The following SAMD5 variants were observed in gnomAD, a reference collection of about 807,000 sequenced individuals.
SAMD5 encodes the protein sterile alpha motif domain containing 5.
SAMD5 carries 13 observed loss-of-function variants against 11.3 expected under a neutral mutation model. That is an observed-to-expected ratio of 1.15 (90% CI 0.75 to 1.83). The LOEUF (loss-of-function observed/expected upper bound fraction) is 1.83. Ranked by LOEUF, SAMD5 falls within the 40% of genes most tolerant of loss-of-function variation. The pLI is 0.00. For synonymous variants in SAMD5, 129 were observed against 111.3 expected (o/e 1.16, Z -1.00); for missense variants, 255 against 239.1 (o/e 1.07, Z -0.44).
At chr6:147,730,014 G>A (rs887644930) in intron 1 of SAMD5, 3 of 415,758 alleles carry the variant, frequency 7.2e-6, no homozygotes, top group Non-Finnish European at 1.4e-5. Flanking sequence ...GAACCCGGGA[G>A]GTGGATGTTG....
At chr6:147,810,652 A>G in the SAMD5 span, among the ~76,000 whole-genome samples, 1 of 152,236 alleles carries the variant, frequency 6.6e-6, no homozygotes, top group African/African-American at 2.4e-5. Context: ...ATAGGCAGCC[A>G]TCAACATGGC....
Position 147,567,535 on chromosome 6 carries a change from G to A in SAMD5, c.*3079G>A. ...GCTTCTTTTCCCTTGTCTGTAAAAT[G>A]GGAAAAATAAATACCTCTATAGCTC... is the stretch of plus-strand genomic sequence containing the variant. On this transcript the variant is annotated 3_prime_UTR_variant, in exon 2 of 2. Transcript: ENST00000367474. 1.1e-6 allele frequency: 1 copy of A among 920,274 alleles called. No homozygotes were observed. The highest frequency in any genetic ancestry group is 1.3e-6 in the Non-Finnish European group (1 of 770,686). The allele number at this position is 920,274 out of a possible 1,614,324, so 57.0% of individuals were successfully genotyped here. A position where few individuals can be genotyped will look rare whatever the true frequency, so the allele number is the denominator to read the frequency against.
intron 1 of SAMD5, among the ~76,000 whole-genome samples, chr6:147,641,716 G>A (rs968444769): frequency 1.3e-5 from 2 of 152,002 alleles, no homozygotes; most frequent in East Asian, 1.9e-4. Flanking sequence ...AACATCCAGC[G>A]GTCTCAAAAC....
chr6:147,570,872 A>G (rs925166305), downstream of SAMD5, among the ~76,000 whole-genome samples: 3 of 152,220 alleles, frequency 2.0e-5, no homozygotes, highest in Admixed American at 6.5e-5. Context: ...TGGCATGCCC[A>G]TGATAACACC....
the SAMD5 span, among the ~76,000 whole-genome samples, chr6:147,792,507 G>A: frequency 6.6e-6 from 1 of 152,192 alleles, no homozygotes; most frequent in Non-Finnish European, 1.5e-5. Flanking sequence ...ATGCATATGT[G>A]TGCATATACA....
intron 1 of SAMD5, among the ~76,000 whole-genome samples, chr6:147,716,472 G>A (rs746365470): frequency 2.0e-5 from 3 of 152,262 alleles, no homozygotes; most frequent in Non-Finnish European, 4.4e-5. Flanking sequence ...CTGCAGCTGT[G>A]CCTGGGAAGG....
chr6:147,642,703 T>G (rs972430443), intron 1 of SAMD5, among the ~76,000 whole-genome samples: 95 of 152,334 alleles, frequency 6.2e-4, no homozygotes, highest in African/African-American at 2.3e-3. Flanking sequence ...AACTGACTTT[T>G]TGTTTTCTTT....
chr6:147,699,855 C>T (rs150760471), intron 1 of SAMD5, among the ~76,000 whole-genome samples: 78 of 152,276 alleles, frequency 5.1e-4, no homozygotes, highest in African/African-American at 1.8e-3. Context: ...GCGAGTCATG[C>T]AAGGACCTGA....
At chr6:147,578,661 G>C (rs1161080173) in intron 1 of SAMD5, among the ~76,000 whole-genome samples, 1 of 152,066 alleles carries the variant, frequency 6.6e-6, no homozygotes, top group African/African-American at 2.4e-5. Context: ...GGTCATGTTA[G>C]GTACTAAAAT....
chr6:147,950,018 G>C, the SAMD5 span, among the ~76,000 whole-genome samples: 1 of 152,160 alleles, frequency 6.6e-6, no homozygotes. Context: ...CAATGTTAGA[G>C]CAGAAGGTAT....
At chr6:147,914,039 G>A in the SAMD5 span, among the ~76,000 whole-genome samples, 2 of 152,148 alleles carry the variant, frequency 1.3e-5, no homozygotes, top group South Asian at 4.1e-4. Flanking sequence ...TTAAGATGAG[G>A]CTAGAGCAAA....
intron 1 of SAMD5, among the ~76,000 whole-genome samples, chr6:147,688,037 G>T (rs553668497): frequency 1.3e-5 from 2 of 151,996 alleles, no homozygotes; most frequent in East Asian, 1.9e-4. Flanking sequence ...CTCCATCTGG[G>T]ACTTTGATTA....
chr6:147,791,481 C>T, the SAMD5 span, among the ~76,000 whole-genome samples: 1 of 151,938 alleles, frequency 6.6e-6, no homozygotes. Context: ...ACGTTTATAC[C>T]TTTCACTTTT....
chr6:147,729,815 C>T (rs751882886), intron 1 of SAMD5: 83 of 456,926 alleles, frequency 1.8e-4, no homozygotes, highest in South Asian at 6.7e-4. Context: ...CTGGGCGTGG[C>T]GACTCATGCC....
chr6:147,580,306 G>T (rs1789278116), intron 1 of SAMD5, among the ~76,000 whole-genome samples: 1 of 152,172 alleles, frequency 6.6e-6, no homozygotes, highest in South Asian at 2.1e-4. Context: ...CCAGGTCAGG[G>T]ACAACCTTTT....
intron 1 of SAMD5, among the ~76,000 whole-genome samples, chr6:147,632,216 A>G (rs956304605): frequency 2.6e-5 from 4 of 152,180 alleles, no homozygotes; most frequent in African/African-American, 9.6e-5. Context: ...GAATGACTCC[A>G]GTTTCCTTTG....
chr6:147,761,984 A>G, the SAMD5 span, among the ~76,000 whole-genome samples: 1 of 152,066 alleles, frequency 6.6e-6, no homozygotes, highest in Non-Finnish European at 1.5e-5. Context: ...AAGTCCTGGA[A>G]TTACATATGT....
chr6:147,781,325 T>TAAA, the SAMD5 span, among the ~76,000 whole-genome samples: 1 of 149,836 alleles, frequency 6.7e-6, no homozygotes, highest in African/African-American at 2.4e-5. Flanking sequence ...CTGGCTAATT[T>TAAA]AAAAAAAAAA....
chr6:147,803,752 G>C, the SAMD5 span, among the ~76,000 whole-genome samples: 5 of 152,278 alleles, frequency 3.3e-5, no homozygotes, highest in Non-Finnish European at 7.4e-5. Flanking sequence ...TTGAAGCTGT[G>C]CTGTCTGACT....
Sources: allele counts gnomAD v4.1 joint callset (sites outside exome capture counted in the v4.1 genomes callset), GRCh38; gene constraint gnomAD v4.1.1; transcripts MANE v1.5; gene names NCBI Gene and HGNC (gene_info 2026-07-23, HGNC 2026-07-21).